Variants in LHX8 observed in about 807,000 individuals in gnomAD.
LHX8 encodes LIM/homeobox protein Lhx8.
Under a neutral mutation model 40.3 loss-of-function variants are expected in LHX8, and 12 were observed. The ratio of observed to expected loss-of-function variants is 0.30; its 90% confidence interval spans 0.19 to 0.48. LHX8 has a LOEUF of 0.48. Among genes scored for constraint, LHX8 ranks in the 20% least tolerant of loss-of-function variants. LHX8 has a pLI of 0.99. For missense variants in LHX8, 344 were observed against 433.7 expected (o/e 0.79, Z 1.84); for synonymous variants, 179 against 162.0 (o/e 1.10, Z -0.80).
At position 75,141,097 on chromosome 1, in the gene LHX8, A is replaced by G; in HGVS notation, c.350A>G (p.Asp117Gly). 6.2e-7 allele frequency: 1 copy of G among 1,613,206 alleles called. No homozygotes were observed. The highest frequency in any genetic ancestry group is 1.3e-5 in the African/African-American group (1 of 75,026). Residue 117 changes from aspartate (D) to glycine (G), a missense_variant, in exon 4 of 9, where the codon GAT (aspartate) becomes GGT (glycine). By Grantham distance (94) the Asp-to-Gly change is moderately conservative. Coordinates refer to ENST00000356261, the MANE Select transcript of LHX8 (RefSeq NM_001256114.2). The stretch of plus-strand genomic sequence containing the variant: ...GACAAAGACATTTTCTGCAAACTTG[A>G]TTATTTCAGGTATGCTGTGAAGCTT... ...IKDKDIFCKL[D>G]YFRRYGTRCS...
Position 75,134,821 on chromosome 1 carries a change from A to ATTT in LHX8, c.-136_-134dup, listed in dbSNP as rs5775273. On this transcript the variant is annotated 5_prime_UTR_variant, in exon 1 of 9. Transcript: ENST00000356261. ...AACGGCCTCATCTTCAGACCTGGCA[A>ATTT]TTTTTTTTTTTTATTACGTAGTAGC... 0.012 allele frequency: 7,518 copies of ATTT among 647,314 alleles called. 6 individuals carry two copies. The highest frequency in any genetic ancestry group is 0.016 in the Middle Eastern group (21 of 1,300). 40.1% of individuals were successfully genotyped at this position (647,314 alleles called of 1,614,324 possible).
chr1:75,187,297 G>A, the LHX8 span, among the ~76,000 whole-genome samples: 1 of 152,160 alleles, frequency 6.6e-6, no homozygotes, highest in South Asian at 2.1e-4. Context: ...AACTCAGCAT[G>A]ATAGACAGTA....
chr1:75,160,952 A>T lies in LHX8; in HGVS notation c.*57A>T. 8.0e-7 allele frequency: 1 copy of T among 1,242,760 alleles called. No homozygotes were observed. The highest frequency in any genetic ancestry group is 1.2e-6 in the Non-Finnish European group (1 of 843,000). 77.0% of individuals were successfully genotyped at this position (1,242,760 alleles called of 1,614,324 possible). On this transcript the variant is annotated 3_prime_UTR_variant, in exon 9 of 9. Transcript: ENST00000356261. ...TATAAATTTGTCATTTATTATGTAT[A>T]AAATACCATTGAAAAGATATTACTG...
upstream of LHX8, among the ~76,000 whole-genome samples, chr1:75,133,358 C>G (rs995607191): frequency 1.3e-5 from 2 of 152,140 alleles, no homozygotes; most frequent in South Asian, 2.1e-4. Flanking sequence ...GGCTGCTGAC[C>G]GAGCTGGGGT....
upstream of LHX8, among the ~76,000 whole-genome samples, chr1:75,133,955 A>G (rs1526504): frequency 2.0e-5 from 3 of 151,990 alleles, no homozygotes; most frequent in Non-Finnish European, 2.9e-5. Flanking sequence ...CCAGGCTGCC[A>G]GGAGCGGTGG....
the LHX8 span, among the ~76,000 whole-genome samples, chr1:75,197,022 C>T: frequency 4.0e-5 from 6 of 151,898 alleles, no homozygotes; most frequent in Non-Finnish European, 7.4e-5. Context: ...AAAACAACAA[C>T]GCAGAACAAA....
chr1:75,131,507 G>A (rs1442857454), upstream of LHX8: 1 of 152,496 alleles, frequency 6.6e-6, no homozygotes, highest in Non-Finnish European at 1.5e-5. Flanking sequence ...TGCAGTGCGA[G>A]CTGAGTGTGA....
chr1:75,165,750 C>T (rs904329857), downstream of LHX8, among the ~76,000 whole-genome samples: 6 of 152,124 alleles, frequency 3.9e-5, no homozygotes, highest in Admixed American at 2.6e-4. Context: ...TATGTTTGAG[C>T]GTCCTAGGAT....
At chr1:75,135,000 C>A in intron 1 of LHX8, 46 bp downstream of exon 1, 1 of 909,150 alleles carries the variant, frequency 1.1e-6, no homozygotes, top group Non-Finnish European at 1.3e-6. Context: ...CGTGGCGGTC[C>A]GGGAGAGTGG....
At chr1:75,175,357 C>A in the LHX8 span, among the ~76,000 whole-genome samples, 1 of 152,154 alleles carries the variant, frequency 6.6e-6, no homozygotes, top group East Asian at 1.9e-4. Context: ...GGTAGATGTA[C>A]TCTTAGTTCT....
the LHX8 span, among the ~76,000 whole-genome samples, chr1:75,198,744 AT>A: frequency 6.6e-6 from 1 of 152,062 alleles, no homozygotes; most frequent in Non-Finnish European, 1.5e-5. Flanking sequence ...CATTTTCATA[AT>A]TTTTTTCCTC....
At chr1:75,143,796 G>C in intron 5 of LHX8, 49 bp from the exon 6 acceptor site, 1 of 1,328,824 alleles carries the variant, frequency 7.5e-7, no homozygotes, top group Non-Finnish European at 1.1e-6. Flanking sequence ...TGTAAGATGG[G>C]TGTACCCATT....
chr1:75,152,261 G>C (rs1648631828), intron 7 of LHX8, among the ~76,000 whole-genome samples: 1 of 152,194 alleles, frequency 6.6e-6, no homozygotes, highest in South Asian at 2.1e-4. Flanking sequence ...TACGTGGAGA[G>C]TTTCACGTTT....
the LHX8 span, among the ~76,000 whole-genome samples, chr1:75,172,738 A>G: frequency 1.3e-5 from 2 of 152,138 alleles, no homozygotes; most frequent in Non-Finnish European, 2.9e-5. Context: ...AGATCATCTT[A>G]TCCAATCCCC....
At chr1:75,163,718 T>C (rs935100725), downstream of LHX8, among the ~76,000 whole-genome samples, 1 of 152,186 alleles carries the variant, frequency 6.6e-6, no homozygotes, top group Non-Finnish European at 1.5e-5. Context: ...AAATATTACC[T>C]ACAATATCAT....
chr1:75,142,046 G>A (rs1245152426), intron 4 of LHX8, among the ~76,000 whole-genome samples: 2 of 151,986 alleles, frequency 1.3e-5, no homozygotes, highest in Non-Finnish European at 2.9e-5. Flanking sequence ...TTTCTCAGCA[G>A]GTTTACTTTT....
At chr1:75,186,908 G>C in the LHX8 span, among the ~76,000 whole-genome samples, 13 of 152,248 alleles carry the variant, frequency 8.5e-5, no homozygotes, top group Middle Eastern at 6.8e-3. Flanking sequence ...CCTATGCAGA[G>C]CTGTTTTAAC....
At chr1:75,135,482 G>A (rs71656823) in intron 1 of LHX8, among the ~76,000 whole-genome samples, 16 of 152,188 alleles carry the variant, frequency 1.1e-4, no homozygotes, top group Non-Finnish European at 1.8e-4. Flanking sequence ...GCGCACCCCA[G>A]AAAGGGAGGG....
the LHX8 span, among the ~76,000 whole-genome samples, chr1:75,180,388 T>C: frequency 6.6e-6 from 1 of 152,230 alleles, no homozygotes; most frequent in Non-Finnish European, 1.5e-5. Flanking sequence ...TTTGTTCATT[T>C]CTTTTTACTC....
Sources: allele counts gnomAD v4.1 joint callset (sites outside exome capture counted in the v4.1 genomes callset), GRCh38; gene constraint gnomAD v4.1.1; transcripts MANE v1.5; gene names NCBI Gene and HGNC (gene_info 2026-07-23, HGNC 2026-07-21).